The following DLGAP2 variants were observed in gnomAD, a reference collection of about 807,000 sequenced individuals.
DLGAP2 encodes disks large-associated protein 2.
In DLGAP2, 26 loss-of-function variants were observed where a neutral mutation model predicts 100.3. The ratio of observed to expected loss-of-function variants is 0.26; its 90% CI spans 0.19 to 0.36. The LOEUF (loss-of-function observed/expected upper bound fraction) is 0.36. Ranked by LOEUF, DLGAP2 falls within the 10% of genes least tolerant of loss-of-function variation. The pLI is 1.00. For missense variants in DLGAP2, 1,858 were observed against 1,453.2 expected, an observed-to-expected ratio of 1.28 and a Z score of -4.53; for synonymous variants, 886 against 630.1, an observed-to-expected ratio of 1.41 and a Z score of -6.08.
intron 2 of DLGAP2, among the ~76,000 whole-genome samples, chr8:1,139,527 T>G (rs1047860942): frequency 6.6e-6 from 1 of 152,136 alleles, no homozygotes; most frequent in Non-Finnish European, 1.5e-5. Context: ...AGCCCCACCC[T>G]CTCAACCTAG....
chr8:795,683 G>C (rs1350045439), intron 1 of DLGAP2, among the ~76,000 whole-genome samples: 1 of 147,548 alleles, frequency 6.8e-6, no homozygotes, highest in African/African-American at 2.5e-5. Context: ...GTGAGAACAG[G>C]CGTCCAGTGA....
chr8:1,500,071 A>G (rs922200790), intron 3 of DLGAP2, among the ~76,000 whole-genome samples: 2 of 152,234 alleles, frequency 1.3e-5, no homozygotes, highest in African/African-American at 4.8e-5. Flanking sequence ...ACATGCCTAG[A>G]GTCTGAACAT....
intron 1 of DLGAP2, among the ~76,000 whole-genome samples, chr8:846,556 G>T (rs1797075094): frequency 6.6e-6 from 1 of 152,144 alleles, no homozygotes. Flanking sequence ...AGTTGGGTTG[G>T]TCCCATATCT....
At chr8:1,453,884 A>G (rs1798232027) in intron 3 of DLGAP2, among the ~76,000 whole-genome samples, 1 of 152,250 alleles carries the variant, frequency 6.6e-6, no homozygotes, top group South Asian at 2.1e-4. Context: ...CTGGATATTC[A>G]GATGCTCTGA....
chr8:1,201,829 T>C (rs1448752758), intron 2 of DLGAP2, among the ~76,000 whole-genome samples: 2 of 152,172 alleles, frequency 1.3e-5, no homozygotes, highest in Non-Finnish European at 2.9e-5. Context: ...GTGTAGGTGC[T>C]TGTGTGTACA....
intron 3 of DLGAP2, among the ~76,000 whole-genome samples, chr8:1,452,245 C>T (rs2130115919): frequency 6.6e-6 from 1 of 152,302 alleles, no homozygotes; most frequent in South Asian, 2.1e-4. Flanking sequence ...GCTGCGTGTT[C>T]TGTGGCCATG....
intron 2 of DLGAP2, among the ~76,000 whole-genome samples, chr8:1,052,173 C>T (rs1802735992): frequency 6.6e-6 from 1 of 152,164 alleles, no homozygotes; most frequent in Admixed American, 6.5e-5. Context: ...CTGGGCCCGG[C>T]CGCCCTTCCT....
Position 799,548 on chromosome 8 carries a change from A to C in DLGAP2, c.18+61723A>C, listed in dbSNP as rs186158766. ...AACAGCGTCCACATTATGACAATGC[A>C]TATTCTGCAAAAATGCATTTTGCAA... On this transcript the variant is annotated intron_variant, in intron 1 of 14. Coordinates refer to ENST00000637795, the MANE Select transcript of DLGAP2 (RefSeq NM_001346810.2). Among the ~76,000 whole-genome samples the C allele has an allele frequency of 1.6e-3, 251 of 152,302 alleles. 4 individuals are homozygous for C. The highest frequency in any genetic ancestry group is 0.012 in the Admixed American group (180 of 15,288).
intron 2 of DLGAP2, among the ~76,000 whole-genome samples, chr8:1,056,799 C>T (rs1802895065): frequency 6.6e-6 from 1 of 152,228 alleles, no homozygotes; most frequent in Non-Finnish European, 1.5e-5. Flanking sequence ...AATTCCAGCA[C>T]TTACATCAGA....
At chr8:1,156,754 C>T (rs1163528917) in intron 2 of DLGAP2, among the ~76,000 whole-genome samples, 1 of 152,146 alleles carries the variant, frequency 6.6e-6, no homozygotes, top group Admixed American at 6.5e-5. Flanking sequence ...GTTTGGTGCC[C>T]CAGCTCAGGA....
rs1373054873 is a variant in DLGAP2 at position 795,553 on chromosome 8, T to C, written c.18+57728T>C. Among the ~76,000 whole-genome samples the C allele has an allele frequency of 2.0e-5, 3 of 152,208 alleles. No individual in the cohort carries two copies. In the East Asian group the frequency reaches 5.8e-4, roughly 29 times the overall value. On this transcript the variant is annotated intron_variant, in intron 1 of 14. Coordinates refer to ENST00000637795, the MANE Select transcript of DLGAP2 (RefSeq NM_001346810.2). The stretch of plus-strand genomic sequence containing the variant: ...GTGTGCACTGACATAAGGCCGCATG[T>C]TGCCCTTTCAACTGCAGTGGAAAAT...
intron 13 of DLGAP2, among the ~76,000 whole-genome samples, chr8:1,694,661 G>T (rs138257588): frequency 2.6e-5 from 4 of 152,140 alleles, no homozygotes; most frequent in Non-Finnish European, 5.9e-5. Context: ...TCCAACCCCG[G>T]GGGGTGTGTG....
chr8:776,766 C>T (rs1274287250), intron 1 of DLGAP2, among the ~76,000 whole-genome samples: 2 of 152,118 alleles, frequency 1.3e-5, no homozygotes, highest in African/African-American at 4.8e-5. Context: ...AGCTTTACTT[C>T]CAAGTATGTG....
intron 3 of DLGAP2, among the ~76,000 whole-genome samples, chr8:1,463,256 CAAAAG>C (rs1563164195): frequency 6.6e-6 from 1 of 152,152 alleles, no homozygotes; most frequent in Non-Finnish European, 1.5e-5. Flanking sequence ...CTCAAAAAAA[CAAAAG>C]AAAAAGATCA....
intron 8 of DLGAP2, among the ~76,000 whole-genome samples, chr8:1,634,315 C>T (rs777208066): frequency 3.9e-5 from 6 of 152,148 alleles, no homozygotes; most frequent in African/African-American, 7.2e-5. Context: ...ACCACTGAGC[C>T]GGGGGCTTCG....
intron 1 of DLGAP2, among the ~76,000 whole-genome samples, chr8:906,008 G>A (rs1246486449): frequency 6.6e-6 from 1 of 152,248 alleles, no homozygotes; most frequent in Non-Finnish European, 1.5e-5. Context: ...GTGGAATGGG[G>A]TTGCCTGCAC....
intron 6 of DLGAP2, among the ~76,000 whole-genome samples, chr8:1,589,911 G>C (rs536336894): frequency 6.6e-6 from 1 of 152,266 alleles, no homozygotes; most frequent in East Asian, 1.9e-4. Flanking sequence ...ACTAGTTTCT[G>C]GGGCTGCCAT....
chr8:1,061,700 G>A (rs557917762), intron 2 of DLGAP2, among the ~76,000 whole-genome samples: 1 of 150,766 alleles, frequency 6.6e-6, no homozygotes, highest in African/African-American at 2.4e-5. Context: ...GGCACGTTGT[G>A]CTACAGAATC....
chr8:1,433,613 C>G (rs1797523451), intron 3 of DLGAP2, among the ~76,000 whole-genome samples: 1 of 143,720 alleles, frequency 7.0e-6, no homozygotes, highest in Admixed American at 6.8e-5. Context: ...GCAGCCAACG[C>G]AGCTGACCGA....
Sources: allele counts gnomAD v4.1 joint callset (sites outside exome capture counted in the v4.1 genomes callset), GRCh38; gene constraint gnomAD v4.1.1; transcripts MANE v1.5; gene names NCBI Gene and HGNC (gene_info 2026-07-23, HGNC 2026-07-21).